TGFB2: variants seen among roughly 807,000 people sequenced by gnomAD.
TGFB2 encodes the protein transforming growth factor beta 2, also known as transforming growth factor beta-2 proprotein.
In TGFB2, 13 loss-of-function variants were observed where a neutral mutation model predicts 42.7. The ratio of observed to expected loss-of-function variants is 0.30; its 90% CI spans 0.20 to 0.48. TGFB2 has a LOEUF of 0.48. Among genes scored for constraint, TGFB2 ranks in the 20% least tolerant of loss-of-function variants. TGFB2 has a pLI of 0.99. For missense variants in TGFB2, 390 were observed against 517.5 expected, an observed-to-expected ratio of 0.75 and a Z score of 2.39; for synonymous variants, 193 against 193.6, an observed-to-expected ratio of 1.00 and a Z score of 0.03.
At chr1:218,434,492 A>G (rs772166056) in intron 4 of TGFB2, 44 bp downstream of exon 4, 1 of 1,224,924 alleles carries the variant, frequency 8.2e-7, no homozygotes. Flanking sequence ...GGAAGGGTCT[A>G]TATTGATAAT....
chr1:218,396,129 A>C (rs921846693), intron 1 of TGFB2, among the ~76,000 whole-genome samples: 1 of 152,200 alleles, frequency 6.6e-6, no homozygotes, highest in Non-Finnish European at 1.5e-5. Context: ...AAGCCTGGTC[A>C]AGTGCATTGT....
At chr1:218,356,183 A>G (rs914456932) in intron 1 of TGFB2, among the ~76,000 whole-genome samples, 2 of 151,934 alleles carry the variant, frequency 1.3e-5, no homozygotes, top group African/African-American at 4.8e-5. Context: ...ACATCTCAAG[A>G]TTTACCATTT....
rs1268585509 is a variant in TGFB2, at chr1:218,372,645, T to C, written c.346+25598T>C. On this transcript the variant is annotated intron_variant, in intron 1 of 6. Coordinates refer to ENST00000366930, the MANE Select transcript of TGFB2 (RefSeq NM_003238.6). ...TAACCTACTAGGTGCACTGGTACCATGGCAAAGACTTGGACTTGGACTTGG... is the reference window on the plus strand; with the variant it reads ...TAACCTACTAGGTGCACTGGTACCACGGCAAAGACTTGGACTTGGACTTGG... Among the ~76,000 whole-genome samples, 17 of 152,290 alleles carry C rather than the reference T, an allele frequency of 1.1e-4. No individual in the cohort carries two copies. The East Asian group carries it at 3.1e-3, about 28-fold the overall frequency.
Position 218,405,173 on chromosome 1 carries a change from C to T in TGFB2, c.351C>T (p.Ala117=). The change falls in exon 2 of 7, where the codon GCC becomes GCT. Residue 117 remains alanine, a synonymous_variant. Coordinates refer to ENST00000366930, the MANE Select transcript of TGFB2 (RefSeq NM_003238.6). ...GATTGCCCTAATTTTTTACAGATGC[C>T]ATCCCGCCCACTTTCTACAGACCCT... ...DMPPFFPSEN[A]IPPTFYRPYF... is the part of the protein sequence containing the mutation. 1 of 1,576,052 alleles carries T rather than the reference C, an allele frequency of 6.3e-7. No individual in the cohort carries two copies.
rs202207533 is a variant in TGFB2, at chr1:218,441,163, G to A, written c.1087-41G>A. 112 of 1,562,470 alleles carry A rather than the reference G, an allele frequency of 7.2e-5. No individual in the cohort carries two copies. In the African/African-American group the frequency reaches 8.0e-4, roughly 11 times the overall value. ...TAAAAACGAATTGCGTTCATTTTCC[G>A]TCTTTCCCTATGTTGTCTCTCCTCT... On this transcript the variant is annotated intron_variant, in intron 6 of 6. Coordinates refer to ENST00000366930, the MANE Select transcript of TGFB2 (RefSeq NM_003238.6).
intron 2 of TGFB2, among the ~76,000 whole-genome samples, chr1:218,421,128 A>G (rs1659440603): frequency 6.6e-6 from 1 of 152,062 alleles, no homozygotes; most frequent in African/African-American, 2.4e-5. Context: ...AGAGAGCTCC[A>G]TTTGTGCCTC....
At chr1:218,435,855 C>G in intron 4 of TGFB2, 115 bp from the exon 5 acceptor site, 1 of 1,038,088 alleles carries the variant, frequency 9.6e-7, no homozygotes, top group South Asian at 1.6e-5. Flanking sequence ...CCAGCTGATG[C>G]TGCTTTGGTG....
rs551994604 is a variant in TGFB2 at position 218,400,055 on chromosome 1, G to C, written c.347-5114G>C. Among the ~76,000 whole-genome samples, 5 of 152,146 alleles carry C rather than the reference G, an allele frequency of 3.3e-5. No individual in the cohort carries two copies. In the South Asian group the frequency reaches 8.3e-4, roughly 25 times the overall value. ...CCTGTTGCCACAAAACTAGGAACTG[G>C]TTGATTCAGTTCAACCAGTTCATTC... On this transcript the variant is annotated intron_variant, in intron 1 of 6. Coordinates refer to ENST00000366930, the MANE Select transcript of TGFB2 (RefSeq NM_003238.6).
chr1:218,378,403 C>G (rs1210283221), intron 1 of TGFB2, among the ~76,000 whole-genome samples: 2 of 152,182 alleles, frequency 1.3e-5, no homozygotes, highest in Non-Finnish European at 2.9e-5. Flanking sequence ...TTTCGAAGTC[C>G]TGACCTCAGG....
chr1:218,415,489 G>A (rs965945715), intron 2 of TGFB2, among the ~76,000 whole-genome samples: 5 of 151,986 alleles, frequency 3.3e-5, no homozygotes, highest in African/African-American at 1.2e-4. Context: ...GAGGTCAGGA[G>A]TTTGAGACCA....
At position 218,410,979 on chromosome 1, in the gene TGFB2, T is replaced by C. The variant is rs12069974; in HGVS notation, c.510+5647T>C. On this transcript the variant is annotated intron_variant, in intron 2 of 6. Transcript: ENST00000366930. ...CCCCATTTTACACATGAAGAAATGC[T>C]TGGGGAACTTAATGACATATCTAAG... Among the ~76,000 whole-genome samples, 1,358 of 152,308 alleles carry C rather than the reference T, an allele frequency of 8.9e-3. 16 individuals are homozygous for C. The highest frequency in any genetic ancestry group is 0.031 in the African/African-American group (1,270 of 41,556).
intron 1 of TGFB2, among the ~76,000 whole-genome samples, chr1:218,392,079 C>T (rs1348704567): frequency 4.6e-5 from 7 of 152,250 alleles, no homozygotes; most frequent in Non-Finnish European, 7.4e-5. Context: ...CGGCCAGGCA[C>T]GGTGGCTCAC....
chr1:218,427,610 T>A (rs1170930687), intron 2 of TGFB2, among the ~76,000 whole-genome samples: 1 of 152,172 alleles, frequency 6.6e-6, no homozygotes, highest in Non-Finnish European at 1.5e-5. Context: ...TTGCGATAGT[T>A]TGCTGAGAAT....
intron 1 of TGFB2, among the ~76,000 whole-genome samples, chr1:218,365,913 C>G (rs1657372984): frequency 6.6e-6 from 1 of 152,150 alleles, no homozygotes; most frequent in East Asian, 1.9e-4. Flanking sequence ...GCCTGTGGCG[C>G]CTCTTGCTTT....
intron 1 of TGFB2, among the ~76,000 whole-genome samples, chr1:218,386,388 A>T (rs1558238943): frequency 6.6e-6 from 1 of 152,236 alleles, no homozygotes; most frequent in Non-Finnish European, 1.5e-5. Flanking sequence ...TGTCATTAAA[A>T]ATGAGATTAT....
At position 218,434,359 on chromosome 1, in the gene TGFB2, T is replaced by C; in HGVS notation, c.665T>C (p.Ile222Thr). ...HHKDRNLGFK[I>T]SLHCPCCTFV... ...CCAGACAGGAACCTGGGATTTAAAA[T>C]AAGCTTACACTGTCCCTGCTGCACT... The change falls in exon 4 of 7, where the codon ATA becomes ACA. Residue 222 changes from isoleucine (I) to threonine (T), a missense_variant. By Grantham distance (89) the Ile-to-Thr change is moderately conservative (BLOSUM62 -1). Transcript: ENST00000366930. The C allele has an allele frequency of 6.2e-7, 1 of 1,613,866 alleles. No individual in the cohort carries two copies. Among genetic ancestry groups the C allele is most frequent in the East Asian group, 2.2e-5 (1 of 44,846 alleles).
intron 1 of TGFB2, among the ~76,000 whole-genome samples, chr1:218,370,329 C>A (rs1344719651): frequency 2.0e-5 from 3 of 152,112 alleles, no homozygotes; most frequent in African/African-American, 7.2e-5. Context: ...AGATTTGCCC[C>A]TTCATGTAAT....
intron 2 of TGFB2, among the ~76,000 whole-genome samples, chr1:218,411,959 C>G (rs1335395053): frequency 6.6e-6 from 1 of 151,830 alleles, no homozygotes; most frequent in African/African-American, 2.4e-5. Context: ...AGCCCAGATT[C>G]AAAGGGAAAG....
intron 2 of TGFB2, among the ~76,000 whole-genome samples, chr1:218,422,059 T>C (rs551463310): frequency 3.3e-4 from 51 of 152,260 alleles, no homozygotes; most frequent in Non-Finnish European, 6.6e-4. Context: ...TGTGGTACTT[T>C]GTTACTACAG....
Sources: allele counts gnomAD v4.1 joint callset (sites outside exome capture counted in the v4.1 genomes callset), GRCh38; gene constraint gnomAD v4.1.1; transcripts MANE v1.5; gene names NCBI Gene and HGNC (gene_info 2026-07-23, HGNC 2026-07-21).